Variants in RPGRIP1L observed in about 807,000 individuals in gnomAD.
RPGRIP1L encodes the protein RPGRIP1 like, also known as protein fantom.
A neutral mutation model predicts 160.4 loss-of-function variants in RPGRIP1L; 131 were observed. The ratio of observed to expected loss-of-function variants is 0.82; its 90% CI spans 0.71 to 0.94. The LOEUF is 0.94. RPGRIP1L is among the 40% of genes least tolerant of loss of function. The pLI is 0.00. For missense variants in RPGRIP1L, 1,522 were observed against 1,535.8 expected (o/e 0.99, Z 0.15); for synonymous variants, 510 against 515.8 (o/e 0.99, Z 0.15).
intron 24 of RPGRIP1L, among the ~76,000 whole-genome samples, chr16:53,614,470 C>G (rs1037704635): frequency 3.9e-5 from 6 of 152,158 alleles, no homozygotes; most frequent in Admixed American, 2.6e-4. Context: ...GATATTGCTG[C>G]TGGTGGTGGG....
intron 9 of RPGRIP1L, among the ~76,000 whole-genome samples, chr16:53,668,852 T>G (rs1408103376): frequency 6.6e-6 from 1 of 152,202 alleles, no homozygotes; most frequent in Non-Finnish European, 1.5e-5. Context: ...GTATCAAAAG[T>G]GTTTTAGCAT....
intron 25 of RPGRIP1L, among the ~76,000 whole-genome samples, chr16:53,608,739 C>T (rs748455141): frequency 2.0e-5 from 3 of 152,160 alleles, no homozygotes; most frequent in African/African-American, 4.8e-5. Context: ...TTCTCATAAA[C>T]TAGGAGCTAC....
In RPGRIP1L at chr16:53,664,196, CTTCT is replaced by C. The variant is rs996607054; in HGVS notation, c.1243+670_1243+673del. Among the ~76,000 whole-genome samples, 5 of 152,190 alleles carry C rather than the reference CTTCT, an allele frequency of 3.3e-5. No homozygotes were observed. The East Asian group carries it at 9.6e-4, about 29-fold the overall frequency. On this transcript the variant is annotated intron_variant, in intron 10 of 26. Transcript: ENST00000647211. ...TGTGTGTAACACAGTAAAATTCAGA[CTTCT>C]TTAATTATAATTCTTTTACTTCTAT...
intron 2 of RPGRIP1L, among the ~76,000 whole-genome samples, chr16:53,698,008 C>A (rs1970949691): frequency 6.6e-6 from 1 of 151,744 alleles, no homozygotes; most frequent in African/African-American, 2.4e-5. Flanking sequence ...GCGCCTTTGC[C>A]CTGCCGCCCC....
At chr16:53,620,377 G>A (rs1033014453) in intron 23 of RPGRIP1L, among the ~76,000 whole-genome samples, 2 of 151,962 alleles carry the variant, frequency 1.3e-5, no homozygotes, top group African/African-American at 4.8e-5. Context: ...TGTATTCTAA[G>A]ACACTTTAAC....
chr16:53,702,108 T>A (rs1453194216), intron 1 of RPGRIP1L, among the ~76,000 whole-genome samples: 1 of 152,212 alleles, frequency 6.6e-6, no homozygotes. Flanking sequence ...TTAACATTCA[T>A]TGAACGCTTA....
intron 1 of RPGRIP1L, among the ~76,000 whole-genome samples, chr16:53,701,137 T>G (rs112159911): frequency 6.6e-6 from 1 of 152,204 alleles, no homozygotes; most frequent in Non-Finnish European, 1.5e-5. Flanking sequence ...CTCTCAGTTT[T>G]AAAAATGGAG....
chr16:53,636,566 T>C, intron 21 of RPGRIP1L, 54 bp from the exon 22 acceptor site: 6 of 1,210,390 alleles, frequency 5.0e-6, no homozygotes, highest in Non-Finnish European at 7.4e-6. Flanking sequence ...ATTCTACTTA[T>C]ACCCTGTAAA....
In RPGRIP1L at chr16:53,652,842, G is replaced by A. The variant is rs763817228; in HGVS notation, c.1845C>T (p.Thr615=). ...ATGCCTGTAAAACTTCAGAAGAAAA[G>A]GTTACTTTGTTGATATGGATTTCAA... ...NLFEIHINKV[T]FSSEVLQASG... The change falls in exon 15 of 27, where the codon ACC becomes ACT. Residue 615 remains threonine, a synonymous_variant. Coordinates refer to ENST00000647211, the MANE Select transcript of RPGRIP1L (RefSeq NM_015272.5). The A allele has an allele frequency of 6.2e-7, 1 of 1,613,274 alleles. No individual in the cohort carries two copies. The highest frequency in any genetic ancestry group is 8.5e-7 in the Non-Finnish European group (1 of 1,179,712).
Position 53,601,762 on chromosome 16 carries a change from G to T in RPGRIP1L, c.*314C>A. ...AAAATAAAAATGGGAATTGCATTTC[G>T]GTTCTTCCTAAGAAAATGTTGAAAA... On this transcript the variant is annotated 3_prime_UTR_variant, in exon 27 of 27. Transcript: ENST00000647211. 2 of 255,752 alleles carry T rather than the reference G, an allele frequency of 7.8e-6. No homozygotes were observed. The highest frequency in any genetic ancestry group is 1.5e-5 in the Non-Finnish European group (2 of 130,116). The allele number at this position is 255,752 out of a possible 1,614,324, so 15.8% of individuals were successfully genotyped here.
At chr16:53,653,406 T>C in intron 14 of RPGRIP1L, 1 of 930,008 alleles carries the variant, frequency 1.1e-6, no homozygotes, top group Non-Finnish European at 1.3e-6. Context: ...CTTTTCTTCT[T>C]CGTGGGGTGA....
intron 9 of RPGRIP1L, among the ~76,000 whole-genome samples, chr16:53,667,807 G>C (rs1475853312): frequency 1.3e-5 from 2 of 151,958 alleles, no homozygotes; most frequent in Non-Finnish European, 2.9e-5. Flanking sequence ...TGGGAGGCAG[G>C]GGTTGCAGTG....
At chr16:53,667,405 T>C (rs1003919522) in intron 9 of RPGRIP1L, among the ~76,000 whole-genome samples, 1 of 152,192 alleles carries the variant, frequency 6.6e-6, no homozygotes, top group African/African-American at 2.4e-5. Flanking sequence ...CATCCTAATG[T>C]GAGAGACAGG....
intron 9 of RPGRIP1L, among the ~76,000 whole-genome samples, chr16:53,666,604 A>ATATATATG (rs1555608974): frequency 6.9e-6 from 1 of 145,494 alleles, no homozygotes; most frequent in African/African-American, 2.7e-5. Flanking sequence ...ATATATATAT[A>ATATATATG]TATGTATGTA....
chr16:53,670,591 T>C (rs1175406325), intron 9 of RPGRIP1L, among the ~76,000 whole-genome samples: 2 of 152,166 alleles, frequency 1.3e-5, no homozygotes, highest in Non-Finnish European at 2.9e-5. Flanking sequence ...AATACCATAA[T>C]TATGAAGTAG....
intron 6 of RPGRIP1L, among the ~76,000 whole-genome samples, chr16:53,684,965 T>A (rs941181223): frequency 2.6e-5 from 4 of 151,952 alleles, no homozygotes; most frequent in Admixed American, 2.6e-4. Flanking sequence ...TCTATCCATC[T>A]GACAAAGGTA....
intron 6 of RPGRIP1L, among the ~76,000 whole-genome samples, chr16:53,677,612 G>T (rs1282235727): frequency 6.6e-6 from 1 of 152,082 alleles, no homozygotes; most frequent in Non-Finnish European, 1.5e-5. Context: ...TTTTTATATA[G>T]ACGAAATATG....
At chr16:53,703,772 C>T in intron 1 of RPGRIP1L, 31 bp downstream of exon 1, 1 of 337,490 alleles carries the variant, frequency 3.0e-6, no homozygotes, top group South Asian at 2.7e-5. Context: ...TCCACCCACC[C>T]TCATCCTCCC....
chr16:53,604,261 G>A (rs1183407680), intron 26 of RPGRIP1L, among the ~76,000 whole-genome samples: 1 of 152,238 alleles, frequency 6.6e-6, no homozygotes, highest in Non-Finnish European at 1.5e-5. Context: ...TGACTTTTCA[G>A]CACTTGACAC....
Sources: allele counts gnomAD v4.1 joint callset (sites outside exome capture counted in the v4.1 genomes callset), GRCh38; gene constraint gnomAD v4.1.1; transcripts MANE v1.5; gene names NCBI Gene and HGNC (gene_info 2026-07-23, HGNC 2026-07-21).